GPR179: variants seen among roughly 807,000 people sequenced by gnomAD.
GPR179 encodes the protein probable G protein-coupled receptor 179.
Under a neutral mutation model 70.8 loss-of-function variants are expected in GPR179, and 52 were observed. That is an observed-to-expected ratio of 0.73 (90% CI 0.59 to 0.93). GPR179 has a LOEUF of 0.93. Among genes scored for constraint, GPR179 ranks in the 40% least tolerant of loss-of-function variants. GPR179 has a pLI of 0.00. For synonymous variants in GPR179, 1,123 were observed against 1,169.0 expected (o/e 0.96, Z 0.80); for missense variants, 2,734 against 2,966.8 (o/e 0.92, Z 1.82).
rs1431875807 is a variant in GPR179 at position 38,330,491 on chromosome 17, T to G, written c.3078A>C (p.Arg1026=). 1 of 1,553,526 alleles carries G rather than the reference T, an allele frequency of 6.4e-7. No individual in the cohort carries two copies. Among genetic ancestry groups the G allele is most frequent in the Admixed American group, 1.9e-5 (1 of 52,628 alleles). ...CAGAGAGGGCCCTCCAGAGCCTGGC[T>G]CGAGCTGGGGCAGGGGAGTGGTGGC... The part of the protein sequence containing the change: ...ERGHHSPAPA[R]ARLWRALSVA... The change falls in exon 11 of 11, where the codon CGA becomes CGC. Residue 1026 remains arginine, a synonymous_variant. Transcript: ENST00000616987.
chr17:38,336,265 C>T (rs767047046), intron 4 of GPR179, 121 bp from the exon 5 acceptor site: 4 of 719,858 alleles, frequency 5.6e-6, no homozygotes, highest in South Asian at 1.5e-5. Context: ...AACACTGGCT[C>T]TGCCCTCTCT....
intron 1 of GPR179, among the ~76,000 whole-genome samples, chr17:38,340,029 T>C (rs1478015253): frequency 6.6e-6 from 1 of 152,248 alleles, no homozygotes; most frequent in Non-Finnish European, 1.5e-5. Context: ...CCCTATTTGG[T>C]CTACTACCAT....
At position 38,334,914 on chromosome 17, in the gene GPR179, TGCTGGGGGGAGCCTGG is replaced by T; in HGVS notation, c.1646-88_1646-73del. On this transcript the variant is annotated intron_variant, in intron 7 of 10. Coordinates refer to ENST00000616987, the MANE Select transcript of GPR179 (RefSeq NM_001004334.4). The surrounding 1 kb of genome is among the most constrained non-coding windows in gnomAD (Gnocchi z 4.7). ...GTCCCACCCCTTTCTCTGAAAGATG[TGCTGGGGGGAGCCTGG>T]GCTCGGGGTCTGGGGACAAGTCAGG... The T allele has an allele frequency of 6.2e-7, 1 of 1,600,344 alleles. No individual in the cohort carries two copies. The highest frequency in any genetic ancestry group is 8.5e-7 in the Non-Finnish European group (1 of 1,171,054).
rs1224336784 is a variant in GPR179, at chr17:38,330,574, C to G, written c.2995G>C (p.Glu999Gln). Reference protein sequence around the residue: ...LTYICPWENAELPAKQENVPQ... With the variant: ...LTYICPWENAQLPAKQENVPQ... ...ACATTTTCTTGCTTGGCTGGCAGTT[C>G]TGCGTTCTCCCAGGGGCAGATGTAG... Residue 999 changes from glutamate (E) to glutamine (Q), a missense_variant, in exon 11 of 11, where the codon GAA (glutamate) becomes CAA (glutamine). Coordinates refer to ENST00000616987, the MANE Select transcript of GPR179 (RefSeq NM_001004334.4). 1 of 1,577,316 alleles carries G rather than the reference C, an allele frequency of 6.3e-7. No homozygotes were observed. The highest frequency in any genetic ancestry group is 1.8e-5 in the Admixed American group (1 of 54,348).
Position 38,329,863 on chromosome 17 carries a change from C to T in GPR179, c.3706G>A (p.Ala1236Thr), listed in dbSNP as rs759148766. 2.5e-5 allele frequency: 40 copies of T among 1,614,030 alleles called. No homozygotes were observed. The African/African-American group carries it at 2.5e-4, about 10-fold the overall frequency. ...PKAGLQSLGSADHRVAEVCPW... is the reference protein window; with the variant it reads ...PKAGLQSLGSTDHRVAEVCPW... The stretch of plus-strand genomic sequence containing the variant: ...CATACCTCTGCCACCCTGTGGTCAG[C>T]GCTGCCCAGGGACTGGAGGCCAGCT... Residue 1236 changes from alanine to threonine, a missense_variant, in exon 11 of 11, where the codon GCT becomes ACT. Transcript: ENST00000616987.
intron 1 of GPR179, among the ~76,000 whole-genome samples, chr17:38,340,790 TGCCTG>T (rs2037443049): frequency 6.6e-6 from 1 of 152,142 alleles, no homozygotes; most frequent in African/African-American, 2.4e-5. Context: ...TGGTGGCTCA[TGCCTG>T]TAATCCCAGA....
Position 38,336,163 on chromosome 17 carries a change from G to A in GPR179, c.1228-19C>T, listed in dbSNP as rs1357357637. 1.3e-6 allele frequency: 2 copies of A among 1,577,440 alleles called. No individual in the cohort carries two copies. The highest frequency in any genetic ancestry group is 1.7e-6 in the Non-Finnish European group (2 of 1,146,510). On this transcript the variant is annotated intron_variant, in intron 4 of 10. Coordinates refer to ENST00000616987, the MANE Select transcript of GPR179 (RefSeq NM_001004334.4). ...AGATCCTCTGTGAAGCAAGGAGAGA[G>A]GCATGTGAGCAGAGTCTGGACGATG...
chr17:38,343,208 G>A lies in GPR179; in HGVS notation c.582C>T (p.Thr194=), dbSNP rs756762102. ...TCAACACTCGCTTCTTCAGGGCAGG[G>A]GTGTCCAGGTCCCCAGGAGGGTTCT... is the stretch of plus-strand genomic sequence containing the variant. ...QEENPPGDLD[T]PALKKRVLTN... The change falls in exon 1 of 11, where the codon ACC becomes ACT. Residue 194 remains threonine (T), a synonymous_variant. Transcript: ENST00000616987. The surrounding 1 kb of genome is among the most constrained non-coding windows in gnomAD (Gnocchi z 4.2). 2 of 1,613,970 alleles carry A rather than the reference G, an allele frequency of 1.2e-6. No individual in the cohort carries two copies. The highest frequency in any genetic ancestry group is 2.2e-5 in the South Asian group (2 of 91,076).
At chr17:38,338,534 A>G (rs1327685062) in intron 2 of GPR179, among the ~76,000 whole-genome samples, 2 of 152,230 alleles carry the variant, frequency 1.3e-5, no homozygotes, top group African/African-American at 4.8e-5. Context: ...CACAGTCTGC[A>G]CAATTAGACA....
At chr17:38,337,299 C>G in intron 3 of GPR179, 86 bp from the exon 4 acceptor site, 1 of 1,475,362 alleles carries the variant, frequency 6.8e-7, no homozygotes, top group Non-Finnish European at 9.0e-7. Context: ...TCACCACAGC[C>G]CTCTCCCTGT....
Position 38,330,951 on chromosome 17 carries a change from T to A in GPR179, c.2618A>T (p.Lys873Met). ...YRQAKEREER[K>M]KAKAAMASLV... is the part of the protein sequence containing the mutation. ...GCTGGCCATGGCTGCCTTGGCCTTC[T>A]TCCGCTCCTCCCGCTCCTTTGCTTG... The change falls in exon 11 of 11, where the codon AAG becomes ATG. Residue 873 changes from lysine (K) to methionine (M), a missense_variant. Transcript: ENST00000616987. The A allele has an allele frequency of 6.2e-7, 1 of 1,611,480 alleles. No individual in the cohort carries two copies. The highest frequency in any genetic ancestry group is 8.5e-7 in the Non-Finnish European group (1 of 1,179,196).
Position 38,327,544 on chromosome 17 carries a change from T to C in GPR179, c.6025A>G (p.Lys2009Glu), listed in dbSNP as rs779638060. ...PWDVPDAGVYKSDSSAKAETC... is the reference protein window; with the variant it reads ...PWDVPDAGVYESDSSAKAETC... The stretch of plus-strand genomic sequence containing the variant: ...TCAGCCTTGGCACTGCTGTCAGATT[T>C]ATACACACCTGCATCAGGAACATCC... Residue 2009 changes from lysine (K) to glutamate (E), a missense_variant, in exon 11 of 11, where the codon AAA (lysine) becomes GAA (glutamate). Lys to Glu is a moderately conservative substitution (Grantham distance 56, BLOSUM62 1). Transcript: ENST00000616987. The C allele has an allele frequency of 6.2e-7, 1 of 1,614,076 alleles. No homozygotes were observed. The highest frequency in any genetic ancestry group is 2.2e-5 in the East Asian group (1 of 44,854).
chr17:38,328,293 T>C lies in GPR179; in HGVS notation c.5276A>G (p.Glu1759Gly). ...EKPQKPTPEW[E>G]VACPWGSVGP... ...CACACTCCCCCAGGGACAAGCCACC[T>C]CCCACTCTGGGGTTGGCTTCTGTGG... is the stretch of plus-strand genomic sequence containing the variant. Residue 1759 changes from glutamate (E) to glycine (G), a missense_variant, in exon 11 of 11, where the codon GAG becomes GGG. Physicochemically the swap from Glu to Gly is moderately conservative, Grantham distance 98 (BLOSUM62 -2). Coordinates refer to ENST00000616987, the MANE Select transcript of GPR179 (RefSeq NM_001004334.4). 1.9e-6 allele frequency: 3 copies of C among 1,613,972 alleles called. No individual in the cohort carries two copies. Among genetic ancestry groups the C allele is most frequent in the Non-Finnish European group, 2.5e-6 (3 of 1,180,016 alleles).
chr17:38,339,320 C>T (rs1279852171), intron 2 of GPR179, 97 bp downstream of exon 2: 1 of 737,416 alleles, frequency 1.4e-6, no homozygotes, highest in East Asian at 2.7e-5. Context: ...GCTGGGGTAG[C>T]TTTGTCTGCT....
rs1331222419 is a variant in GPR179 at position 38,331,148 on chromosome 17, C to T, written c.2421G>A (p.Val807=). The T allele has an allele frequency of 6.2e-7, 1 of 1,606,414 alleles. No homozygotes were observed. Among genetic ancestry groups the T allele is most frequent in the Non-Finnish European group, 8.5e-7 (1 of 1,179,654 alleles). ...KASRTESRES[V]EGPPALGFRS... ...TGAAGCCCAGGGCAGGGGGCCCCTC[C>T]ACCGACTCCCGGCTCTCTGTTCGAG... Residue 807 remains valine, a synonymous_variant, in exon 11 of 11, where the codon GTG becomes GTA. Coordinates refer to ENST00000616987, the MANE Select transcript of GPR179 (RefSeq NM_001004334.4).
chr17:38,342,488 C>T (rs1440773421), intron 1 of GPR179, among the ~76,000 whole-genome samples: 3 of 152,066 alleles, frequency 2.0e-5, no homozygotes, highest in East Asian at 1.9e-4. Context: ...TACAGGTACT[C>T]GCTACCACAC....
At chr17:38,335,423 C>A (rs1376658469) in intron 6 of GPR179, 152 bp from the exon 7 acceptor site, 6 of 800,294 alleles carry the variant, frequency 7.5e-6, no homozygotes, top group Non-Finnish European at 1.2e-5. Flanking sequence ...CTTTTGCTAC[C>A]CCCCCACAAA....
chr17:38,334,775 G>A lies in GPR179; in HGVS notation c.1713C>T (p.Phe571=), dbSNP rs748544453. The A allele has an allele frequency of 8.1e-6, 13 of 1,613,718 alleles. No individual in the cohort carries two copies. The highest frequency in any genetic ancestry group is 1.1e-5 in the Non-Finnish European group (13 of 1,179,994). The change falls in exon 8 of 11, where the codon TTC becomes TTT. Residue 571 remains phenylalanine, a synonymous_variant. Transcript: ENST00000616987. The surrounding 1 kb of genome is among the most constrained non-coding windows in gnomAD (Gnocchi z 4.7). ...CYATRAVLSA[F]HEPRYMGIAL... ...CGATGCCCATGTAGCGTGGCTCATG[G>A]AAGGCCGAGAGCACAGCCCGTGTGG...
chr17:38,328,517 T>C lies in GPR179; in HGVS notation c.5052A>G (p.Lys1684=). The C allele has an allele frequency of 1.2e-6, 2 of 1,613,248 alleles. No homozygotes were observed. The highest frequency in any genetic ancestry group is 1.7e-6 in the Non-Finnish European group (2 of 1,179,772). Residue 1684 remains lysine (K), a synonymous_variant, in exon 11 of 11, where the codon AAA becomes AAG. Coordinates refer to ENST00000616987, the MANE Select transcript of GPR179 (RefSeq NM_001004334.4). ...CATCCAAAGGGCAAATGTCGGCAGCTTTGCTTCCCACACTGCCTGACATCT... is the reference window on the plus strand; with the variant it reads ...CATCCAAAGGGCAAATGTCGGCAGCCTTGCTTCCCACACTGCCTGACATCT... The part of the protein sequence containing the change: ...LLQMSGSVGS[K]AADICPLDVE...
Sources: allele counts gnomAD v4.1 joint callset (sites outside exome capture counted in the v4.1 genomes callset), GRCh38; gene constraint gnomAD v4.1.1; non-coding constraint Gnocchi (gnomAD v3.1); transcripts MANE v1.5; gene names NCBI Gene and HGNC (gene_info 2026-07-23, HGNC 2026-07-21).